The following RAI1 variants were observed in gnomAD, a reference collection of about 807,000 sequenced individuals.
The protein encoded by RAI1 is retinoic acid induced 1, also known as retinoic acid-induced protein 1.
RAI1 carries 9 observed loss-of-function variants against 123.8 expected under a neutral mutation model. The observed-to-expected ratio is 0.07, with a 90% CI of 0.04 to 0.13. The LOEUF is 0.13. RAI1 is among the 10% of genes least tolerant of loss of function. The pLI, the probability that RAI1 is intolerant of heterozygous loss-of-function variation, is 1.00. For synonymous variants in RAI1, 1,231 were observed against 1,127.3 expected, an observed-to-expected ratio of 1.09 and a Z score of -1.84; for missense variants, 2,256 against 2,545.8, an observed-to-expected ratio of 0.89 and a Z score of 2.45.
intron 1 of RAI1, among the ~76,000 whole-genome samples, chr17:17,717,630 C>T (rs1437035539): frequency 6.6e-6 from 1 of 152,072 alleles, no homozygotes; most frequent in Admixed American, 6.5e-5. Flanking sequence ...TCTTCCTTTG[C>T]AGCTGCCCTG....
At chr17:17,690,732 A>G (rs940993563) in intron 1 of RAI1, among the ~76,000 whole-genome samples, 3 of 152,250 alleles carry the variant, frequency 2.0e-5, no homozygotes, top group Non-Finnish European at 4.4e-5. Context: ...CTTAGGAGCT[A>G]CAGCTTCATA....
intron 2 of RAI1, among the ~76,000 whole-genome samples, chr17:17,780,124 G>A (rs2031518159): frequency 6.8e-6 from 1 of 146,498 alleles, no homozygotes; most frequent in South Asian, 2.2e-4. Flanking sequence ...GGAGTGCAAT[G>A]GCGCAATCTT....
In RAI1 at chr17:17,810,616, C is replaced by T. The variant is rs1323951949; in HGVS notation, c.*635C>T. The T allele has an allele frequency of 9.0e-6, 3 of 331,872 alleles. No individual in the cohort carries two copies. The East Asian group carries it at 2.8e-4, about 31-fold the overall frequency. The allele number at this position is 331,872 out of a possible 1,614,324, so 20.6% of individuals were successfully genotyped here. A position where few individuals can be genotyped will look rare whatever the true frequency, so the allele number is the denominator to read the frequency against. On this transcript the variant is annotated 3_prime_UTR_variant, in exon 6 of 6. Coordinates refer to ENST00000353383, the MANE Select transcript of RAI1 (RefSeq NM_030665.4). The surrounding 1 kb of genome is among the most constrained non-coding windows in gnomAD (Gnocchi z 4.6). The stretch of plus-strand genomic sequence containing the variant: ...TTCCCGCCCAGCCTTTGCCAGATCT[C>T]TCGTGCGGTTCGGGCAAAGCCGGGG...
intron 4 of RAI1, among the ~76,000 whole-genome samples, chr17:17,806,743 C>T (rs959293934): frequency 6.6e-6 from 1 of 152,192 alleles, no homozygotes; most frequent in Admixed American, 6.5e-5. Context: ...ATGGCAGCCC[C>T]AGGGCTTTGA....
intron 1 of RAI1, among the ~76,000 whole-genome samples, chr17:17,715,265 C>G (rs1481368479): frequency 6.6e-6 from 1 of 152,256 alleles, no homozygotes; most frequent in Non-Finnish European, 1.5e-5. Flanking sequence ...CTGCTCTGAG[C>G]TGGGCACTGG....
At position 17,797,468 on chromosome 17, in the gene RAI1, C is replaced by G; in HGVS notation, c.4520C>G (p.Ala1507Gly). 6.2e-7 allele frequency: 1 copy of G among 1,613,274 alleles called. No individual in the cohort carries two copies. Among genetic ancestry groups the G allele is most frequent in the Non-Finnish European group, 8.5e-7 (1 of 1,179,818 alleles). Residue 1507 changes from alanine (A) to glycine (G), a missense_variant, in exon 3 of 6, where the codon GCC becomes GGC. Around this residue, in one of 7 missense-constraint regions of RAI1, gnomAD observed 410 missense variants for 374.6 expected, o/e 1.09. Coordinates refer to ENST00000353383, the MANE Select transcript of RAI1 (RefSeq NM_030665.4). ...CCAAAGATGGAGGAGCTGGGCCTGG[C>G]CTCCCAGCCCCCGGAGGGCAGGCCC... ...KKPKMEELGL[A>G]SQPPEGRPCQ...
intron 4 of RAI1, among the ~76,000 whole-genome samples, chr17:17,806,180 A>T (rs899747428): frequency 6.6e-6 from 1 of 152,230 alleles, no homozygotes; most frequent in African/African-American, 2.4e-5. Flanking sequence ...ACAAGGGAGA[A>T]ATCTAGGAAG....
At chr17:17,752,242 C>T (rs1315123776) in intron 2 of RAI1, among the ~76,000 whole-genome samples, 1 of 152,180 alleles carries the variant, frequency 6.6e-6, no homozygotes, top group Non-Finnish European at 1.5e-5. Flanking sequence ...TGACAGCGCC[C>T]CAGACTACTC....
chr17:17,762,925 G>A lies in RAI1; in HGVS notation c.-16-30008G>A, dbSNP rs568209626. ...GGCTGGCCCGATGATTGGCAGAGTC[G>A]ATAAAGGCCACTTGGAAACCCTCCT... On this transcript the variant is annotated intron_variant, in intron 2 of 5. Coordinates refer to ENST00000353383, the MANE Select transcript of RAI1 (RefSeq NM_030665.4). Among the ~76,000 whole-genome samples, 7 of 152,096 alleles carry A rather than the reference G, an allele frequency of 4.6e-5. No individual in the cohort carries two copies. In the East Asian group the frequency reaches 1.4e-3, roughly 29 times the overall value.
At chr17:17,727,829 C>T (rs1042095424) in intron 2 of RAI1, among the ~76,000 whole-genome samples, 4 of 152,036 alleles carry the variant, frequency 2.6e-5, no homozygotes, top group African/African-American at 4.8e-5. Context: ...CTCTCTGGCC[C>T]GAGATTCACC....
Position 17,793,390 on chromosome 17 carries a change from A to C in RAI1, c.442A>C (p.Lys148Gln), listed in dbSNP as rs200459801. 21 of 1,613,372 alleles carry C rather than the reference A, an allele frequency of 1.3e-5. No homozygotes were observed. Among genetic ancestry groups the C allele is most frequent in the South Asian group, 6.6e-5 (6 of 91,090 alleles). ...CAAGTATGATGAGAACTTGATGAAA[A>C]AGACAGCAGTGCCCCCCAGCAGGCA... ...VAKYDENLMK[K>Q]TAVPPSRQYA... is the part of the protein sequence containing the mutation. The change falls in exon 3 of 6, where the codon AAG becomes CAG. Residue 148 changes from lysine to glutamine, a missense_variant. Around this residue, in one of 7 missense-constraint regions of RAI1, gnomAD observed 336 missense variants for 349.8 expected, o/e 0.96. Transcript: ENST00000353383.
At chr17:17,781,812 G>A (rs1439788857) in intron 2 of RAI1, among the ~76,000 whole-genome samples, 1 of 152,232 alleles carries the variant, frequency 6.6e-6, no homozygotes, top group Non-Finnish European at 1.5e-5. Flanking sequence ...AACTGGAAAT[G>A]GGGGGCGGGG....
At chr17:17,738,881 C>T (rs893950777) in intron 2 of RAI1, among the ~76,000 whole-genome samples, 23 of 152,290 alleles carry the variant, frequency 1.5e-4, no homozygotes, top group Admixed American at 1.1e-3. Flanking sequence ...ATGGGCTGTC[C>T]TCCCTGTTTT....
chr17:17,687,726 T>C (rs964924705), intron 1 of RAI1, among the ~76,000 whole-genome samples: 5 of 152,070 alleles, frequency 3.3e-5, no homozygotes, highest in Non-Finnish European at 7.4e-5. Context: ...TGAACGGGCT[T>C]TGTTGTAAGC....
chr17:17,809,157 C>T lies in RAI1; in HGVS notation c.5660-233C>T. ...CACGTGGAACTCAGGGGGAAAAGCTCTCCGCGGAGGAGGTGAGGTGAGTCA... is the reference window on the plus strand; with the variant it reads ...CACGTGGAACTCAGGGGGAAAAGCTTTCCGCGGAGGAGGTGAGGTGAGTCA... On this transcript the variant is annotated intron_variant, in intron 4 of 5. Transcript: ENST00000353383. This position sits in a 1 kb window ranked among gnomAD's most constrained non-coding sequence, Gnocchi z 4.9. 1 of 610,506 alleles carries T rather than the reference C, an allele frequency of 1.6e-6. No individual in the cohort carries two copies. The highest frequency in any genetic ancestry group is 1.8e-5 in the South Asian group (1 of 55,148). The allele number at this position is 610,506 out of a possible 1,614,324, so 37.8% of individuals were successfully genotyped here.
chr17:17,793,988 C>T lies in RAI1; in HGVS notation c.1040C>T (p.Ala347Val), dbSNP rs1380586552. 1.9e-6 allele frequency: 3 copies of T among 1,613,954 alleles called. No individual in the cohort carries two copies. The highest frequency in any genetic ancestry group is 2.7e-5 in the African/African-American group (2 of 74,940). ...TFSPSSSHSP[A>V]RSVGRSPSYS... ...AGCCCCAGCTCCAGCCACTCACCCG[C>T]CCGCTCCGTGGGCCGCTCACCTTCC... is the stretch of plus-strand genomic sequence containing the variant. Residue 347 changes from alanine to valine, a missense_variant, in exon 3 of 6, where the codon GCC becomes GTC. Transcript: ENST00000353383.
rs1239229894 is a variant in RAI1, at chr17:17,810,091, G to A, written c.*110G>A. On this transcript the variant is annotated 3_prime_UTR_variant, in exon 6 of 6. Transcript: ENST00000353383. This position sits in a 1 kb window ranked among gnomAD's most constrained non-coding sequence, Gnocchi z 4.6. ...GGGCCTTTGAGCTGCTCCCAGCGCT[G>A]GTCCAGAGCCGATCCTTGATCCGGG... The A allele has an allele frequency of 5.7e-6, 8 of 1,391,460 alleles. No individual in the cohort carries two copies. The highest frequency in any genetic ancestry group is 1.4e-5 in the South Asian group (1 of 73,840). The allele number at this position is 1,391,460 out of a possible 1,614,324, so 86.2% of individuals were successfully genotyped here.
intron 2 of RAI1, among the ~76,000 whole-genome samples, chr17:17,784,252 G>GT (rs1252540920): frequency 6.6e-6 from 1 of 152,130 alleles, no homozygotes; most frequent in Non-Finnish European, 1.5e-5. Context: ...CTGGCCTGCT[G>GT]TGCCTCCCCG....
At chr17:17,694,553 C>T (rs1194552070) in intron 1 of RAI1, among the ~76,000 whole-genome samples, 7 of 152,160 alleles carry the variant, frequency 4.6e-5, no homozygotes, top group South Asian at 4.1e-4. Flanking sequence ...CATTTCCTTT[C>T]CTCTCTCCCC....
Sources: gnomAD v4.1 joint callset for allele counts (sites outside exome capture counted in the v4.1 genomes callset) on GRCh38, gnomAD v4.1.1 for gene constraint, gnomAD v4.1.1 regional missense constraint, Gnocchi (gnomAD v3.1) non-coding constraint, MANE v1.5 for transcripts, NCBI Gene and HGNC (gene_info 2026-07-23, HGNC 2026-07-21) for gene names.